Variants in SNTG1 observed in about 807,000 individuals in gnomAD.
The protein encoded by SNTG1 is syntrophin gamma 1.
SNTG1 carries 39 observed loss-of-function variants against 74.7 expected under a neutral mutation model. That is an observed-to-expected ratio of 0.52 (90% CI 0.40 to 0.68). The LOEUF is 0.68. Ranked by LOEUF, SNTG1 falls within the 30% of genes least tolerant of loss-of-function variation. The pLI, the probability that SNTG1 is intolerant of heterozygous loss-of-function variation, is 0.00. For synonymous variants in SNTG1, 254 were observed against 217.1 expected (o/e 1.17, Z -1.49); for missense variants, 685 against 609.5 (o/e 1.12, Z -1.30).
At chr8:50,734,508 T>C (rs1216728549) in intron 17 of SNTG1, among the ~76,000 whole-genome samples, 1 of 151,254 alleles carries the variant, frequency 6.6e-6, no homozygotes, top group Admixed American at 6.6e-5. Context: ...ATGATTTTAA[T>C]GTTTCACTAT....
Position 50,795,085 on chromosome 8 carries a change from GA to G in SNTG1, c.*2259del, listed in dbSNP as rs1554637311. ...GGGTGTATATATATATAAATATAAT[GA>G]AATGCTGACCATTAATTATATTAGA... is the stretch of plus-strand genomic sequence containing the variant. On this transcript the variant is annotated 3_prime_UTR_variant, in exon 19 of 19. Transcript: ENST00000642720. 6.6e-6 allele frequency: 1 copy of G among 151,674 alleles called. No individual in the cohort carries two copies. Among genetic ancestry groups the G allele is most frequent in the Non-Finnish European group, 1.5e-5 (1 of 67,892 alleles). 9.4% of individuals were successfully genotyped at this position (151,674 alleles called of 1,614,324 possible).
intron 15 of SNTG1, among the ~76,000 whole-genome samples, chr8:50,686,505 A>G (rs2095352998): frequency 6.6e-6 from 1 of 152,158 alleles, no homozygotes; most frequent in Non-Finnish European, 1.5e-5. Context: ...TTAAACTTGT[A>G]TTCTCCTTTC....
intron 1 of SNTG1, among the ~76,000 whole-genome samples, chr8:50,089,416 T>C (rs889840081): frequency 4.7e-5 from 7 of 149,958 alleles, no homozygotes; most frequent in African/African-American, 1.2e-4. Context: ...GGGATCTAAT[T>C]AAACTAAAGA....
chr8:50,766,563 C>A (rs1357915810), intron 18 of SNTG1, among the ~76,000 whole-genome samples: 2 of 151,916 alleles, frequency 1.3e-5, no homozygotes, highest in Non-Finnish European at 2.9e-5. Context: ...TAAGATTATA[C>A]TTTACACATA....
At chr8:50,254,582 T>A (rs1006496108) in intron 2 of SNTG1, among the ~76,000 whole-genome samples, 10 of 152,122 alleles carry the variant, frequency 6.6e-5, no homozygotes, top group Admixed American at 6.6e-4. Flanking sequence ...GTGTGGTGAC[T>A]CACACGTGAA....
At chr8:50,233,740 A>AC (rs1187659574) in intron 2 of SNTG1, among the ~76,000 whole-genome samples, 1 of 151,378 alleles carries the variant, frequency 6.6e-6, no homozygotes, top group African/African-American at 2.4e-5. Context: ...AATGGAAAAA[A>AC]AAATGAAGAC....
At chr8:50,466,497 C>G (rs922002229) in intron 8 of SNTG1, among the ~76,000 whole-genome samples, 2 of 151,932 alleles carry the variant, frequency 1.3e-5, no homozygotes, top group South Asian at 2.1e-4. Flanking sequence ...CTTTTTCTTT[C>G]CCAATATTCT....
At chr8:50,526,869 G>C (rs561101421) in intron 9 of SNTG1, among the ~76,000 whole-genome samples, 1 of 151,926 alleles carries the variant, frequency 6.6e-6, no homozygotes, top group East Asian at 1.9e-4. Context: ...TGATCATCCC[G>C]CCTCATCCAC....
chr8:50,768,296 G>T (rs2095618794), intron 18 of SNTG1, among the ~76,000 whole-genome samples: 1 of 151,870 alleles, frequency 6.6e-6, no homozygotes, highest in Non-Finnish European at 1.5e-5. Context: ...TGTAAATTGT[G>T]CCTTAAAGCA....
intron 1 of SNTG1, among the ~76,000 whole-genome samples, chr8:49,998,587 G>GACAAAC (rs2095104478): frequency 7.3e-6 from 1 of 136,838 alleles, no homozygotes; most frequent in African/African-American, 2.6e-5. Flanking sequence ...TAAAAATTAA[G>GACAAAC]ACACACACAC....
At chr8:50,131,871 T>C (rs2131406712) in intron 1 of SNTG1, among the ~76,000 whole-genome samples, 1 of 152,216 alleles carries the variant, frequency 6.6e-6, no homozygotes, top group South Asian at 2.1e-4. Context: ...ACAATATATA[T>C]AAAATAGCCA....
intron 1 of SNTG1, among the ~76,000 whole-genome samples, chr8:50,150,062 T>TA (rs199786608): frequency 0.047 from 7,185 of 151,976 alleles, 402 homozygotes; most frequent in South Asian, 0.14. Context: ...TATCCTCTTT[T>TA]TTTCATTAAG....
intron 17 of SNTG1, among the ~76,000 whole-genome samples, chr8:50,746,225 T>C (rs1329577698): frequency 6.6e-6 from 1 of 151,968 alleles, no homozygotes; most frequent in African/African-American, 2.4e-5. Flanking sequence ...TATGGAGTTT[T>C]AGTACTCTAA....
chr8:50,451,472 T>A (rs922460762), intron 8 of SNTG1, among the ~76,000 whole-genome samples: 1 of 151,944 alleles, frequency 6.6e-6, no homozygotes, highest in African/African-American at 2.4e-5. Context: ...TGAGTTTGTG[T>A]GTTTCTGTGT....
chr8:50,232,035 GCAA>G (rs1187511269), intron 2 of SNTG1, among the ~76,000 whole-genome samples: 1 of 151,226 alleles, frequency 6.6e-6, no homozygotes, highest in Non-Finnish European at 1.5e-5. Context: ...CCAATTCTAT[GCAA>G]CGTCTTCCTG....
At chr8:49,951,637 T>C (rs995943716) in intron 1 of SNTG1, among the ~76,000 whole-genome samples, 30 of 151,082 alleles carry the variant, frequency 2.0e-4, no homozygotes, top group Middle Eastern at 3.4e-3. Context: ...AGGGATAGCA[T>C]TGGGAGATAT....
intron 17 of SNTG1, among the ~76,000 whole-genome samples, chr8:50,740,753 T>C (rs1464912442): frequency 6.6e-6 from 1 of 151,988 alleles, no homozygotes; most frequent in African/African-American, 2.4e-5. Context: ...TGCCCATCAG[T>C]GGTAAACTAG....
intron 1 of SNTG1, among the ~76,000 whole-genome samples, chr8:50,013,180 T>C (rs1815977558): frequency 6.6e-6 from 1 of 152,168 alleles, no homozygotes; most frequent in Admixed American, 6.6e-5. Context: ...TATACTGTAG[T>C]CTTGCTAGTG....
At chr8:50,683,342 G>C (rs73676393) in intron 15 of SNTG1, among the ~76,000 whole-genome samples, 1 of 152,126 alleles carries the variant, frequency 6.6e-6, no homozygotes, top group South Asian at 2.1e-4. Context: ...TGGGGGTAAG[G>C]GGAAGACAGT....
Sources: gnomAD v4.1 joint callset for allele counts (sites outside exome capture counted in the v4.1 genomes callset) on GRCh38, gnomAD v4.1.1 for gene constraint, MANE v1.5 for transcripts, NCBI Gene and HGNC (gene_info 2026-07-23, HGNC 2026-07-21) for gene names.